Variants in ZNF331 observed in about 807,000 individuals in gnomAD.
ZNF331 encodes the protein C2H2-like zinc finger protein rearranged in thyroid adenomas.
In ZNF331, 2 loss-of-function variants were observed where a neutral mutation model predicts 7.0. The observed-to-expected ratio is 0.29, with a 90% CI of 0.12 to 0.90. The LOEUF is 0.90. Ranked by LOEUF, ZNF331 falls within the 40% of genes least tolerant of loss-of-function variation. The pLI, the probability that ZNF331 is intolerant of heterozygous loss-of-function variation, is 0.58. For missense variants in ZNF331, 432 were observed against 587.7 expected (o/e 0.74, Z 2.74); for synonymous variants, 196 against 205.4 (o/e 0.95, Z 0.39).
rs2089617369 is a variant in ZNF331, at chr19:53,558,968, C to T, written c.-74+3060C>T. Among the ~76,000 whole-genome samples, 1 of 124,158 alleles carries T rather than the reference C, an allele frequency of 8.1e-6. No homozygotes were observed. The allele number at this position is 124,158 out of a possible 152,430, so 81.5% of individuals were successfully genotyped here. A position where few individuals can be genotyped will look rare whatever the true frequency, so the allele number is the denominator to read the frequency against. ...ACATATACACATACCATATACACAC[C>T]ATACACACATATACACACACATACC... On this transcript the variant is annotated intron_variant, in intron 3 of 5. Coordinates refer to ENST00000449416, the MANE Select transcript of ZNF331 (RefSeq NM_001079906.2). This position sits in a 1 kb window ranked among gnomAD's most constrained non-coding sequence, Gnocchi z 4.5.
At chr19:53,545,411 C>G (rs923076640) in intron 2 of ZNF331, among the ~76,000 whole-genome samples, 1 of 152,226 alleles carries the variant, frequency 6.6e-6, no homozygotes, top group African/African-American at 2.4e-5. Context: ...CGAACAGCAG[C>G]TCGGGCAGCC....
chr19:53,543,205 G>A lies in ZNF331; in HGVS notation c.-138+3923G>A, dbSNP rs546428941. Among the ~76,000 whole-genome samples the A allele has an allele frequency of 6.6e-5, 10 of 152,260 alleles. No homozygotes were observed. In the South Asian group the frequency reaches 1.0e-3, roughly 16 times the overall value. On this transcript the variant is annotated intron_variant, in intron 2 of 5. Transcript: ENST00000449416. Reference sequence around the variant, plus strand: ...TGGCAGGCTGTGAGGCAGGAGGATCGCTTGAGCCCACAAGTTCAAGACCAA... The same window carrying A: ...TGGCAGGCTGTGAGGCAGGAGGATCACTTGAGCCCACAAGTTCAAGACCAA...
chr19:53,559,790 A>G (rs1447233678), intron 3 of ZNF331, among the ~76,000 whole-genome samples: 1 of 151,454 alleles, frequency 6.6e-6, no homozygotes, highest in Non-Finnish European at 1.5e-5. Context: ...ATATATATAC[A>G]CACACGTATA....
At position 53,571,811 on chromosome 19, in the gene ZNF331, G is replaced by C; in HGVS notation, c.136+81G>C. 1 of 1,497,692 alleles carries C rather than the reference G, an allele frequency of 6.7e-7. No homozygotes were observed. The highest frequency in any genetic ancestry group is 2.2e-5 in the Admixed American group (1 of 44,638). The allele number at this position is 1,497,692 out of a possible 1,614,324, so 92.8% of individuals were successfully genotyped here. ...TGTGAATTTCAGGACCGCCTTTCAA[G>C]AAACTAGTTGAATTTCTTCTTCCTG... On this transcript the variant is annotated intron_variant, in intron 5 of 5. Transcript: ENST00000449416. The surrounding 1 kb of genome is among the most constrained non-coding windows in gnomAD (Gnocchi z 4.7).
In ZNF331 at chr19:53,560,469, G is replaced by A. The variant is rs1367089850; in HGVS notation, c.-74+4561G>A. Among the ~76,000 whole-genome samples the A allele has an allele frequency of 6.6e-6, 1 of 152,106 alleles. No individual in the cohort carries two copies. Among genetic ancestry groups the A allele is most frequent in the African/African-American group, 2.4e-5 (1 of 41,392 alleles). On this transcript the variant is annotated intron_variant, in intron 3 of 5. Coordinates refer to ENST00000449416, the MANE Select transcript of ZNF331 (RefSeq NM_001079906.2). This position sits in a 1 kb window ranked among gnomAD's most constrained non-coding sequence, Gnocchi z 4.3. ...TGAAAGGATGTTCCATAACAGGAAGGTTATGCCTGATTCAGTGACACTACT... is the reference window on the plus strand; with the variant it reads ...TGAAAGGATGTTCCATAACAGGAAGATTATGCCTGATTCAGTGACACTACT...
chr19:53,514,651 C>CT (rs2086854366), upstream of ZNF331, among the ~76,000 whole-genome samples: 4 of 112,964 alleles, frequency 3.5e-5, no homozygotes, highest in Admixed American at 3.4e-4. Context: ...GAAGCCTTCT[C>CT]CTTTTTTTTT....
rs182607023 is a variant in ZNF331, at chr19:53,570,623, C to T, written c.10-981C>T. 1.3e-3 allele frequency among the ~76,000 whole-genome samples: 196 copies of T among 151,130 alleles called. 3 individuals carry two copies. The East Asian group carries it at 0.033, about 26-fold the overall frequency. On this transcript the variant is annotated intron_variant, in intron 4 of 5. Coordinates refer to ENST00000449416, the MANE Select transcript of ZNF331 (RefSeq NM_001079906.2). ...TCTTGGCTCACCTCAACCTCTGCCT[C>T]GCGGGTTCAAGTAATTCTCCTGCCT...
the ZNF331 span, among the ~76,000 whole-genome samples, chr19:53,508,392 C>T: frequency 5.3e-5 from 8 of 152,156 alleles, no homozygotes; most frequent in African/African-American, 1.9e-4. Flanking sequence ...GGACCATTTT[C>T]ACTCTGACAT....
chr19:53,543,410 G>C (rs10417818), intron 2 of ZNF331, among the ~76,000 whole-genome samples: 1 of 151,808 alleles, frequency 6.6e-6, no homozygotes, highest in Non-Finnish European at 1.5e-5. Context: ...TTACAAGCGC[G>C]CACCACCATG....
chr19:53,506,432 C>CTCTCTG, the ZNF331 span, among the ~76,000 whole-genome samples: 5 of 91,622 alleles, frequency 5.5e-5, no homozygotes, highest in African/African-American at 2.6e-4. Flanking sequence ...CTCTCTCTCT[C>CTCTCTG]TCTCTCTCTC....
At chr19:53,506,436 C>CTCTCTG in the ZNF331 span, among the ~76,000 whole-genome samples, 15 of 75,314 alleles carry the variant, frequency 2.0e-4, no homozygotes, top group African/African-American at 7.4e-4. Context: ...CTCTCTCTCT[C>CTCTCTG]TCTCTCTGTC....
intron 2 of ZNF331, chr19:53,523,487 G>T (rs2076507959): frequency 6.6e-6 from 1 of 152,042 alleles, no homozygotes; most frequent in South Asian, 2.1e-4. Flanking sequence ...CCAAAGTCCT[G>T]GGATTACAGG....
At chr19:53,522,351 C>T (rs2087118999) in intron 1 of ZNF331, among the ~76,000 whole-genome samples, 1 of 151,742 alleles carries the variant, frequency 6.6e-6, no homozygotes, top group African/African-American at 2.4e-5. Context: ...ATTCTCCTGC[C>T]TCAGCCTCCC....
the ZNF331 span, among the ~76,000 whole-genome samples, chr19:53,506,140 C>T: frequency 6.6e-6 from 1 of 151,470 alleles, no homozygotes; most frequent in South Asian, 2.1e-4. Context: ...TCGAGACCAT[C>T]CTGCCCAACA....
intron 2 of ZNF331, among the ~76,000 whole-genome samples, chr19:53,552,670 T>G (rs1474861589): frequency 6.6e-6 from 1 of 152,194 alleles, no homozygotes; most frequent in Admixed American, 6.5e-5. Context: ...AGGCAGAGGT[T>G]GCAGTGTGGT....
chr19:53,548,875 T>G (rs1397233180), intron 2 of ZNF331, among the ~76,000 whole-genome samples: 1 of 151,848 alleles, frequency 6.6e-6, no homozygotes, highest in Non-Finnish European at 1.5e-5. Context: ...TGAGACCAAG[T>G]CTCACTCTGT....
chr19:53,568,833 T>C (rs190464474), intron 3 of ZNF331, among the ~76,000 whole-genome samples: 33 of 148,152 alleles, frequency 2.2e-4, no homozygotes, highest in African/African-American at 8.2e-4. Flanking sequence ...TTGGTTTAGG[T>C]TTGATCCATG....
Position 53,576,849 on chromosome 19 carries a change from G to A in ZNF331, c.289G>A (p.Gly97Arg). The change falls in exon 6 of 6, where the codon GGG becomes AGG. Residue 97 changes from glycine (G) to arginine (R), a missense_variant. This residue lies in a region of ZNF331 where 81 missense variants were observed against 70.3 expected (regional missense o/e 1.15). Transcript: ENST00000449416. The stretch of plus-strand genomic sequence containing the variant: ...GCTTGAAAGACCACAGCGCTCCAGA[G>A]GGAGGTATGTCAATCAGATGATCAT... ...GTLERPQRSRGRYVNQMIINY... is the reference protein window; with the variant it reads ...GTLERPQRSRRRYVNQMIINY... 6.2e-7 allele frequency: 1 copy of A among 1,614,172 alleles called. No individual in the cohort carries two copies. Among genetic ancestry groups the A allele is most frequent in the Non-Finnish European group, 8.5e-7 (1 of 1,180,036 alleles).
chr19:53,574,746 C>T (rs2090622879), intron 5 of ZNF331, among the ~76,000 whole-genome samples: 1 of 152,208 alleles, frequency 6.6e-6, no homozygotes, highest in Non-Finnish European at 1.5e-5. Flanking sequence ...GCACTGCTTA[C>T]ATTCATCACA....
Sources: gnomAD v4.1 joint callset for allele counts (sites outside exome capture counted in the v4.1 genomes callset) on GRCh38, gnomAD v4.1.1 for gene constraint, gnomAD v4.1.1 regional missense constraint, Gnocchi (gnomAD v3.1) non-coding constraint, MANE v1.5 for transcripts, NCBI Gene and HGNC (gene_info 2026-07-23, HGNC 2026-07-21) for gene names.